Variants in CNTNAP5 observed in about 807,000 individuals in gnomAD.
The protein encoded by CNTNAP5 is contactin-associated protein-like 5.
A neutral mutation model predicts 150.2 loss-of-function variants in CNTNAP5; 72 were observed. The ratio of observed to expected loss-of-function variants is 0.48; its 90% CI spans 0.40 to 0.58. The LOEUF is 0.58. Ranked by LOEUF, CNTNAP5 falls within the 20% of genes least tolerant of loss-of-function variation. The probability of loss-of-function intolerance (pLI) is 0.00; values close to 1 mark genes in which losing one functional copy is unlikely to be tolerated. For synonymous variants in CNTNAP5, 672 were observed against 619.8 expected (o/e 1.08, Z -1.25); for missense variants, 1,636 against 1,626.2 (o/e 1.01, Z -0.10).
At chr2:124,807,428 A>G (rs1019132279) in intron 19 of CNTNAP5, among the ~76,000 whole-genome samples, 3 of 152,154 alleles carry the variant, frequency 2.0e-5, no homozygotes, top group African/African-American at 7.2e-5. Flanking sequence ...AATATTTCCT[A>G]GCAGCTAATA....
intron 19 of CNTNAP5, among the ~76,000 whole-genome samples, chr2:124,857,200 A>T (rs775899416): frequency 6.6e-6 from 1 of 151,064 alleles, no homozygotes; most frequent in Non-Finnish European, 1.5e-5. Flanking sequence ...GCAGCTCTAC[A>T]TTTTTTTTTC....
chr2:124,447,952 C>A (rs1215586373), intron 6 of CNTNAP5, among the ~76,000 whole-genome samples: 1 of 151,958 alleles, frequency 6.6e-6, no homozygotes, highest in African/African-American at 2.4e-5. Context: ...TTTTGTGAGC[C>A]CTTGGTTAAC....
chr2:124,835,228 T>C (rs902406648), intron 19 of CNTNAP5, among the ~76,000 whole-genome samples: 32 of 150,666 alleles, frequency 2.1e-4, no homozygotes, highest in Non-Finnish European at 4.4e-4. Flanking sequence ...TAGTTTGTTT[T>C]CATCTTTCTC....
chr2:124,053,826 G>A (rs1681774431), intron 1 of CNTNAP5, among the ~76,000 whole-genome samples: 1 of 152,042 alleles, frequency 6.6e-6, no homozygotes, highest in Non-Finnish European at 1.5e-5. Context: ...GCCCATGAAA[G>A]CATATCTCTA....
chr2:124,178,062 G>C (rs1305015840), intron 1 of CNTNAP5, among the ~76,000 whole-genome samples: 3 of 151,924 alleles, frequency 2.0e-5, no homozygotes, highest in African/African-American at 7.3e-5. Context: ...GGCCAGGCTG[G>C]TCTCGAACTC....
chr2:124,880,021 A>G (rs1677935291), intron 21 of CNTNAP5, among the ~76,000 whole-genome samples: 1 of 152,192 alleles, frequency 6.6e-6, no homozygotes, highest in Non-Finnish European at 1.5e-5. Context: ...GCTTTCCCAC[A>G]CAGAAGGAGA....
chr2:124,713,312 T>C (rs7371221), intron 13 of CNTNAP5, among the ~76,000 whole-genome samples: 5 of 103,382 alleles, frequency 4.8e-5, no homozygotes, highest in Non-Finnish European at 1.1e-4. Context: ...TTCTTTCTCT[T>C]TCTTTCCTTT....
In CNTNAP5 at chr2:124,109,344, C is replaced by A. The variant is rs76001311; in HGVS notation, c.82+83612C>A. 8.2e-3 allele frequency among the ~76,000 whole-genome samples: 1,253 copies of A among 152,176 alleles called. 19 individuals carry two copies. Among genetic ancestry groups the A allele is most frequent in the African/African-American group, 0.028 (1,142 of 41,496 alleles). On this transcript the variant is annotated intron_variant, in intron 1 of 23. Transcript: ENST00000682447. ...ACAGTGATAGCTGCCATCCTGTACT[C>A]GAGGCGAGGCCCAGGCACACACACA... is the stretch of plus-strand genomic sequence containing the variant.
rs1680852228 is a variant in CNTNAP5, at chr2:124,025,411, G to A, written c.-240G>A. On this transcript the variant is annotated 5_prime_UTR_variant, in exon 1 of 24. Transcript: ENST00000682447. ...GGAAGAGAAGGAAGAGGCGGGCGAG[G>A]AAGGCGAGTCCAGCTAGCGGCTGTT... 2 of 565,416 alleles carry A rather than the reference G, an allele frequency of 3.5e-6. No homozygotes were observed. Among genetic ancestry groups the A allele is most frequent in the South Asian group, 2.1e-5 (1 of 48,084 alleles). 35.0% of individuals were successfully genotyped at this position (565,416 alleles called of 1,614,324 possible). A position where few individuals can be genotyped will look rare whatever the true frequency, so the allele number is the denominator to read the frequency against.
intron 1 of CNTNAP5, among the ~76,000 whole-genome samples, chr2:124,188,920 C>G (rs1182805431): frequency 6.6e-6 from 1 of 152,064 alleles, no homozygotes; most frequent in Non-Finnish European, 1.5e-5. Flanking sequence ...GGTTTCACAT[C>G]TGGGTTTCTT....
chr2:124,433,339 T>C (rs559750938), intron 4 of CNTNAP5, among the ~76,000 whole-genome samples: 1 of 152,342 alleles, frequency 6.6e-6, no homozygotes, highest in African/African-American at 2.4e-5. Flanking sequence ...TTAGGACACT[T>C]TGTTCCGTAT....
chr2:124,776,426 C>T (rs146215083), intron 17 of CNTNAP5, among the ~76,000 whole-genome samples: 3 of 152,148 alleles, frequency 2.0e-5, no homozygotes, highest in East Asian at 3.9e-4. Flanking sequence ...GCTGTTCTTG[C>T]TTCCAGGCTG....
At chr2:124,177,146 C>A (rs1167119780) in intron 1 of CNTNAP5, among the ~76,000 whole-genome samples, 2 of 152,014 alleles carry the variant, frequency 1.3e-5, no homozygotes, top group Non-Finnish European at 2.9e-5. Context: ...CCACAACTGG[C>A]TCAGATAATG....
chr2:124,624,682 C>G (rs1409023277), intron 12 of CNTNAP5, among the ~76,000 whole-genome samples: 2 of 152,096 alleles, frequency 1.3e-5, no homozygotes, highest in Non-Finnish European at 2.9e-5. Context: ...AGAAGATGGA[C>G]ATTGTAAATG....
At chr2:124,152,076 G>A (rs563453218) in intron 1 of CNTNAP5, among the ~76,000 whole-genome samples, 274 of 152,242 alleles carry the variant, frequency 1.8e-3, no homozygotes, top group South Asian at 0.014. Context: ...AGTGGATGGT[G>A]GCAAATGCAT....
chr2:124,510,477 GTATATATA>G (rs70996072), intron 8 of CNTNAP5, among the ~76,000 whole-genome samples: 1,519 of 102,468 alleles, frequency 0.015, 33 homozygotes, highest in South Asian at 0.03. Context: ...TTATGTATGT[GTATATATA>G]TATATATATA....
chr2:124,707,605 C>T (rs1256360706), intron 13 of CNTNAP5, among the ~76,000 whole-genome samples: 1 of 151,112 alleles, frequency 6.6e-6, no homozygotes, highest in East Asian at 1.9e-4. Context: ...AATCACATTC[C>T]TCGATGGCCA....
chr2:124,468,000 A>G (rs1693418314), intron 6 of CNTNAP5, among the ~76,000 whole-genome samples: 1 of 152,100 alleles, frequency 6.6e-6, no homozygotes, highest in African/African-American at 2.4e-5. Context: ...CCCTTGGCAG[A>G]TCACTAATGG....
At chr2:124,300,003 A>T (rs1420189999) in intron 3 of CNTNAP5, among the ~76,000 whole-genome samples, 2 of 152,206 alleles carry the variant, frequency 1.3e-5, no homozygotes, top group Admixed American at 1.3e-4. Flanking sequence ...AAGTATGGCT[A>T]GGAAGTTTAG....
Sources: gnomAD v4.1 joint callset for allele counts (sites outside exome capture counted in the v4.1 genomes callset) on GRCh38, gnomAD v4.1.1 for gene constraint, MANE v1.5 for transcripts, NCBI Gene and HGNC (gene_info 2026-07-23, HGNC 2026-07-21) for gene names.